The following CADM2 variants were observed in gnomAD, a reference collection of about 807,000 sequenced individuals.
CADM2 encodes cell adhesion molecule 2.
A neutral mutation model predicts 49.8 loss-of-function variants in CADM2; 12 were observed. The ratio of observed to expected loss-of-function variants is 0.24; its 90% CI spans 0.15 to 0.39. CADM2 has a LOEUF of 0.39. Ranked by LOEUF, CADM2 falls within the 10% of genes least tolerant of loss-of-function variation. The pLI, the probability that CADM2 is intolerant of heterozygous loss-of-function variation, is 1.00. For synonymous variants in CADM2, 214 were observed against 175.4 expected (o/e 1.22, Z -1.74); for missense variants, 378 against 492.3 (o/e 0.77, Z 2.20).
intron 3 of CADM2, among the ~76,000 whole-genome samples, chr3:85,872,678 G>A (rs984282344): frequency 1.3e-5 from 2 of 148,156 alleles, no homozygotes; most frequent in Admixed American, 1.4e-4. Flanking sequence ...ACATATTATT[G>A]TATTTATATT....
chr3:85,297,589 G>T (rs956391258), intron 1 of CADM2, among the ~76,000 whole-genome samples: 2 of 152,024 alleles, frequency 1.3e-5, no homozygotes, highest in Non-Finnish European at 2.9e-5. Flanking sequence ...CTAATAACAT[G>T]TTAGGCTCTT....
At chr3:85,604,312 T>G (rs1259455388) in intron 1 of CADM2, among the ~76,000 whole-genome samples, 1 of 151,976 alleles carries the variant, frequency 6.6e-6, no homozygotes, top group Non-Finnish European at 1.5e-5. Context: ...TGAGGCTTAA[T>G]CTCATCTGAT....
At chr3:85,745,353 GTCT>G (rs2068572314) in intron 2 of CADM2, among the ~76,000 whole-genome samples, 1 of 152,082 alleles carries the variant, frequency 6.6e-6, no homozygotes, top group African/African-American at 2.4e-5. Context: ...CTGACTGTGT[GTCT>G]TCTTTTATTT....
At chr3:85,658,266 G>T (rs2107601836) in intron 1 of CADM2, among the ~76,000 whole-genome samples, 1 of 152,004 alleles carries the variant, frequency 6.6e-6, no homozygotes, top group East Asian at 2.0e-4. Flanking sequence ...TGAAGGAAGA[G>T]ATCTATAATC....
At chr3:85,067,692 T>C (rs1261465035) in intron 1 of CADM2, among the ~76,000 whole-genome samples, 1 of 152,204 alleles carries the variant, frequency 6.6e-6, no homozygotes, top group Non-Finnish European at 1.5e-5. Context: ...TTTACTATCT[T>C]CTTTGGCTGT....
At chr3:85,920,751 A>G (rs958763052) in intron 6 of CADM2, among the ~76,000 whole-genome samples, 1 of 151,606 alleles carries the variant, frequency 6.6e-6, no homozygotes, top group African/African-American at 2.4e-5. Flanking sequence ...AAATGTTGTT[A>G]TTGTGCCATC....
At chr3:85,448,742 T>C (rs1391375868) in intron 1 of CADM2, among the ~76,000 whole-genome samples, 1 of 151,950 alleles carries the variant, frequency 6.6e-6, no homozygotes, top group Non-Finnish European at 1.5e-5. Flanking sequence ...CTCAAAATTC[T>C]CCACTTTTTA....
rs138530846 is a variant in CADM2 at position 85,826,060 on chromosome 3, T to G, written c.238+23864T>G. 1.4e-3 allele frequency among the ~76,000 whole-genome samples: 207 copies of G among 152,206 alleles called. 7 individuals carry two copies. In the East Asian group the frequency reaches 0.036, roughly 26 times the overall value. ...AAGTAAAATAATCTAGCAAGGAGAT[T>G]AGTTTTGTAATTGTATCATGACAGT... On this transcript the variant is annotated intron_variant, in intron 3 of 9. Transcript: ENST00000383699.
At chr3:85,885,993 G>A (rs1413580948) in intron 4 of CADM2, among the ~76,000 whole-genome samples, 197 bp from the exon 5 acceptor site, 1 of 151,484 alleles carries the variant, frequency 6.6e-6, no homozygotes, top group African/African-American at 2.4e-5. Flanking sequence ...ATGTTTATGT[G>A]TATGCATATA....
intron 1 of CADM2, among the ~76,000 whole-genome samples, chr3:85,367,938 T>G (rs2032917790): frequency 6.6e-6 from 1 of 151,952 alleles, no homozygotes; most frequent in Non-Finnish European, 1.5e-5. Flanking sequence ...CAATATGACC[T>G]TCTCAAAAGT....
chr3:85,117,922 A>C (rs112078952), intron 1 of CADM2, among the ~76,000 whole-genome samples: 1,728 of 152,222 alleles, frequency 0.011, 29 homozygotes, highest in African/African-American at 0.04. Context: ...TGAAGCTTTC[A>C]TGAGGCTTTT....
chr3:85,335,717 A>T (rs1175116346), intron 1 of CADM2, among the ~76,000 whole-genome samples: 2 of 151,572 alleles, frequency 1.3e-5, no homozygotes, highest in Non-Finnish European at 3.0e-5. Flanking sequence ...CTTCTGTGAG[A>T]TGATTGTCTA....
chr3:85,982,232 T>A (rs1727564916), intron 8 of CADM2, among the ~76,000 whole-genome samples: 1 of 151,690 alleles, frequency 6.6e-6, no homozygotes, highest in South Asian at 2.1e-4. Flanking sequence ...TTCACTTTTT[T>A]TCAGGTTTCT....
intron 1 of CADM2, among the ~76,000 whole-genome samples, chr3:85,413,084 T>G (rs1372276032): frequency 7.8e-6 from 1 of 128,074 alleles, no homozygotes; most frequent in Non-Finnish European, 1.5e-5. Flanking sequence ...GAGCTTGCAG[T>G]GAGCCGAGAT....
chr3:85,774,253 G>A (rs966148818), intron 2 of CADM2, among the ~76,000 whole-genome samples: 4 of 151,590 alleles, frequency 2.6e-5, no homozygotes, highest in African/African-American at 9.7e-5. Context: ...AATAATATTC[G>A]GATGATTTCC....
chr3:85,207,358 G>T (rs1174408570), intron 1 of CADM2, among the ~76,000 whole-genome samples: 1 of 151,852 alleles, frequency 6.6e-6, no homozygotes, highest in African/African-American at 2.4e-5. Context: ...ATTTTTAGAG[G>T]TATTTCTGCT....
intron 1 of CADM2, among the ~76,000 whole-genome samples, chr3:85,007,738 T>C (rs1184083723): frequency 6.6e-6 from 1 of 152,204 alleles, no homozygotes; most frequent in Non-Finnish European, 1.5e-5. Context: ...AATCATAGTT[T>C]GTGTGCCTGT....
intron 1 of CADM2, among the ~76,000 whole-genome samples, chr3:85,204,449 A>G (rs1188895702): frequency 1.3e-5 from 2 of 152,038 alleles, no homozygotes; most frequent in Non-Finnish European, 2.9e-5. Context: ...TCCTATTTCG[A>G]CCTTATTTAC....
At chr3:85,935,732 T>C in intron 6 of CADM2, 35 bp from the exon 7 acceptor site, 3 of 1,249,230 alleles carry the variant, frequency 2.4e-6, no homozygotes, top group Middle Eastern at 2.3e-4. Flanking sequence ...TTTGTATGTG[T>C]TTAATTACCT....
Sources: allele counts gnomAD v4.1 joint callset (sites outside exome capture counted in the v4.1 genomes callset), GRCh38; gene constraint gnomAD v4.1.1; transcripts MANE v1.5; gene names NCBI Gene and HGNC (gene_info 2026-07-23, HGNC 2026-07-21).